Variants in CACNA1E observed in about 807,000 individuals in gnomAD.
CACNA1E encodes the protein voltage-dependent R-type calcium channel subunit alpha-1E.
A neutral mutation model predicts 259.2 loss-of-function variants in CACNA1E; 40 were observed. That is an observed-to-expected ratio of 0.15 (90% CI 0.12 to 0.20). CACNA1E has a LOEUF of 0.20. Among genes scored for constraint, CACNA1E ranks in the 10% least tolerant of loss-of-function variants. The pLI is 1.00. For synonymous variants in CACNA1E, 1,104 were observed against 1,138.5 expected (o/e 0.97, Z 0.61); for missense variants, 1,874 against 3,040.1 (o/e 0.62, Z 9.02).
intron 3 of CACNA1E, among the ~76,000 whole-genome samples, chr1:181,515,474 C>CAG (rs1666506561): frequency 6.6e-6 from 1 of 152,152 alleles, no homozygotes; most frequent in Non-Finnish European, 1.5e-5. Context: ...AGGCAGAAGG[C>CAG]AATGCTGGGA....
At chr1:181,716,159 C>T (rs898846338) in intron 10 of CACNA1E, 30 bp downstream of exon 10, 4 of 1,341,902 alleles carry the variant, frequency 3.0e-6, no homozygotes, top group Admixed American at 2.0e-5. Flanking sequence ...TCTTTTACTG[C>T]TCTGAATCTC....
intron 35 of CACNA1E, among the ~76,000 whole-genome samples, chr1:181,768,188 C>T (rs1659191173): frequency 6.6e-6 from 1 of 152,160 alleles, no homozygotes; most frequent in Non-Finnish European, 1.5e-5. Flanking sequence ...ATAACACCAT[C>T]TCCAGTACTG....
chr1:181,636,028 C>A (rs74127810), intron 6 of CACNA1E, among the ~76,000 whole-genome samples: 2 of 152,100 alleles, frequency 1.3e-5, no homozygotes, highest in African/African-American at 4.8e-5. Context: ...ACTCCTTGCT[C>A]ATGGCAAGTA....
At chr1:181,372,415 T>C (rs1654768461) in intron 1 of CACNA1E, among the ~76,000 whole-genome samples, 2 of 152,298 alleles carry the variant, frequency 1.3e-5, no homozygotes, top group African/African-American at 2.4e-5. Context: ...TATTGGTGTA[T>C]AGAAATAATA....
At chr1:181,766,519 A>G in intron 34 of CACNA1E, 27 bp from the exon 35 acceptor site, 1 of 1,577,384 alleles carries the variant, frequency 6.3e-7, no homozygotes, top group Non-Finnish European at 8.7e-7. Flanking sequence ...TTCTTTGATT[A>G]ACGTCTTATC....
intron 7 of CACNA1E, among the ~76,000 whole-genome samples, chr1:181,693,486 G>GTATATATCCAT (rs1288582692): frequency 6.6e-6 from 1 of 152,148 alleles, no homozygotes; most frequent in East Asian, 1.9e-4. Context: ...AAAAAGGAAT[G>GTATATATCCAT]ACATCATCTC....
rs746463249 is a variant in CACNA1E, at chr1:181,651,394, C to A, written c.1008C>A (p.Ile336=). The A allele has an allele frequency of 6.2e-7, 1 of 1,613,892 alleles. No individual in the cohort carries two copies. Among genetic ancestry groups the A allele is most frequent in the South Asian group, 1.1e-5 (1 of 91,072 alleles). Residue 336 remains isoleucine, a synonymous_variant, in exon 7 of 48, where the codon ATC becomes ATA. Coordinates refer to ENST00000367573, the MANE Select transcript of CACNA1E (RefSeq NM_001205293.3). ...GGCTGTACTTCATCCCCCTCATCAT[C>A]ATTGGATCCTTCTTTGTTCTCAACC... ...WNWLYFIPLI[I]IGSFFVLNLV...
intron 16 of CACNA1E, among the ~76,000 whole-genome samples, chr1:181,723,908 T>C (rs1654642861): frequency 1.3e-5 from 2 of 152,326 alleles, no homozygotes; most frequent in African/African-American, 4.8e-5. Context: ...AACCCTGTCC[T>C]TTTGGATTGT....
At chr1:181,438,926 G>A (rs781385542) in intron 2 of CACNA1E, among the ~76,000 whole-genome samples, 38 of 152,218 alleles carry the variant, frequency 2.5e-4, no homozygotes, top group Admixed American at 2.6e-4. Context: ...CCCATTCCAA[G>A]GGAATAGATA....
At chr1:181,612,320 CA>C (rs559298850) in intron 6 of CACNA1E, among the ~76,000 whole-genome samples, 73 of 152,336 alleles carry the variant, frequency 4.8e-4, no homozygotes, top group Non-Finnish European at 8.7e-4. Flanking sequence ...TGCTCTGATC[CA>C]TCTTCCAATC....
intron 2 of CACNA1E, among the ~76,000 whole-genome samples, chr1:181,429,138 C>G (rs941415868): frequency 2.6e-5 from 4 of 151,988 alleles, no homozygotes; most frequent in Admixed American, 2.6e-4. Flanking sequence ...ACCGAGATCA[C>G]AACACTGCAC....
chr1:181,659,474 C>T (rs993370123), intron 7 of CACNA1E, among the ~76,000 whole-genome samples: 4 of 152,228 alleles, frequency 2.6e-5, no homozygotes, highest in Non-Finnish European at 4.4e-5. Flanking sequence ...TGCATAAGCA[C>T]ATCCTGAAAT....
intron 7 of CACNA1E, among the ~76,000 whole-genome samples, chr1:181,669,736 G>A (rs544074861): frequency 8.2e-4 from 125 of 152,294 alleles, no homozygotes; most frequent in African/African-American, 2.9e-3. Flanking sequence ...GTATTCATCA[G>A]AAATTTTCCT....
intron 40 of CACNA1E, 75 bp from the exon 41 acceptor site, chr1:181,784,585 TC>T: frequency 1.0e-6 from 1 of 964,456 alleles, no homozygotes; most frequent in Non-Finnish European, 1.6e-6. Context: ...CTGATTCAGC[TC>T]CTACCTTCAC....
chr1:181,782,378 T>G (rs774849001), intron 39 of CACNA1E, among the ~76,000 whole-genome samples: 3 of 152,222 alleles, frequency 2.0e-5, no homozygotes, highest in Non-Finnish European at 4.4e-5. Flanking sequence ...TTGCCACCCA[T>G]TAGTAATAGT....
intron 6 of CACNA1E, among the ~76,000 whole-genome samples, chr1:181,592,493 T>TG (rs559176134): frequency 1.1e-3 from 97 of 84,956 alleles, no homozygotes; most frequent in Middle Eastern, 8.5e-3. Flanking sequence ...CAGTGACCGG[T>TG]GGGGGGTGGG....
intron 1 of CACNA1E, among the ~76,000 whole-genome samples, chr1:181,362,401 T>C (rs999793801): frequency 6.6e-6 from 1 of 152,258 alleles, no homozygotes; most frequent in Non-Finnish European, 1.5e-5. Context: ...CCTTTGTTGC[T>C]GTTTCCCACG....
chr1:181,755,397 T>C lies in CACNA1E; in HGVS notation c.3989T>C (p.Ile1330Thr), dbSNP rs1303328521. 1 of 1,613,330 alleles carries C rather than the reference T, an allele frequency of 6.2e-7. No individual in the cohort carries two copies. The highest frequency in any genetic ancestry group is 2.2e-5 in the East Asian group (1 of 44,860). ...DSSKDTEKEC[I>T]GNYVDHEKNK... ...TCCAAGGACACAGAGAAGGAGTGCA[T>C]GTAAGTGCCACCAGCGCATTCCACT... is the stretch of plus-strand genomic sequence containing the variant. Residue 1330 changes from isoleucine (I) to threonine (T), a missense_variant and splice_region_variant, in exon 28 of 48, where the codon ATA becomes ACA. By Grantham distance (89) the Ile-to-Thr change is moderately conservative. Around this residue, in one of 14 missense-constraint regions of CACNA1E, gnomAD observed 188 missense variants for 540.6 expected, o/e 0.35. Coordinates refer to ENST00000367573, the MANE Select transcript of CACNA1E (RefSeq NM_001205293.3).
chr1:181,338,241 A>T (rs906567955), intron 1 of CACNA1E, among the ~76,000 whole-genome samples: 1 of 152,094 alleles, frequency 6.6e-6, no homozygotes, highest in African/African-American at 2.4e-5. Flanking sequence ...GTGCGCCACT[A>T]TACCTGGCTA....
Sources: allele counts gnomAD v4.1 joint callset (sites outside exome capture counted in the v4.1 genomes callset), GRCh38; gene constraint gnomAD v4.1.1; regional missense constraint gnomAD v4.1.1; transcripts MANE v1.5; gene names NCBI Gene and HGNC (gene_info 2026-07-23, HGNC 2026-07-21).